The following YTHDC2 variants were observed in gnomAD, a reference collection of about 807,000 sequenced individuals.
The protein encoded by YTHDC2 is 3'-5' RNA helicase YTHDC2.
A neutral mutation model predicts 174.9 loss-of-function variants in YTHDC2; 45 were observed. That is an observed-to-expected ratio of 0.26 (90% confidence interval 0.20 to 0.33). YTHDC2 has a LOEUF of 0.33. Among genes scored for constraint, YTHDC2 ranks in the 10% least tolerant of loss-of-function variants. The pLI is 1.00. For synonymous variants in YTHDC2, 657 were observed against 574.5 expected (o/e 1.14, Z -2.05); for missense variants, 1,650 against 1,723.7 (o/e 0.96, Z 0.76).
rs964513040 is a variant in YTHDC2 at position 113,593,753 on chromosome 5, A to C, written c.*279A>C. 1 of 157,970 alleles carries C rather than the reference A, an allele frequency of 6.3e-6. No homozygotes were observed. The highest frequency in any genetic ancestry group is 2.4e-5 in the African/African-American group (1 of 41,614). The allele number at this position is 157,970 out of a possible 1,614,324, so 9.8% of individuals were successfully genotyped here. A position where few individuals can be genotyped will look rare whatever the true frequency, so the allele number is the denominator to read the frequency against. Reference sequence around the variant, plus strand: ...ATTTTAAACAAACAATTTGAAGTTAAACATTTCATTTTTAAAAACACTGAA... The same window carrying C: ...ATTTTAAACAAACAATTTGAAGTTACACATTTCATTTTTAAAAACACTGAA... On this transcript the variant is annotated 3_prime_UTR_variant, in exon 30 of 30. Coordinates refer to ENST00000161863, the MANE Select transcript of YTHDC2 (RefSeq NM_022828.5).
intron 23 of YTHDC2, among the ~76,000 whole-genome samples, chr5:113,576,833 T>A (rs1246539691): frequency 7.8e-6 from 1 of 128,434 alleles, no homozygotes; most frequent in Non-Finnish European, 1.5e-5. Context: ...TTCATTTTGG[T>A]GTTAGTATTT....
At chr5:113,590,660 G>A (rs912499169) in intron 26 of YTHDC2, among the ~76,000 whole-genome samples, 1 of 152,160 alleles carries the variant, frequency 6.6e-6, no homozygotes, top group East Asian at 1.9e-4. Context: ...ACAACTTAAT[G>A]AGACCACTGG....
chr5:113,517,965 T>C (rs1248938536), intron 2 of YTHDC2, among the ~76,000 whole-genome samples: 1 of 151,992 alleles, frequency 6.6e-6, no homozygotes, highest in Non-Finnish European at 1.5e-5. Flanking sequence ...CTCGGCTCAC[T>C]GCAAGCTCCA....
chr5:113,526,352 A>G (rs1346988081), intron 3 of YTHDC2, among the ~76,000 whole-genome samples: 2 of 86,938 alleles, frequency 2.3e-5, no homozygotes, highest in Admixed American at 2.1e-4. Context: ...TTTCTAATTG[A>G]TATTGAAATT....
chr5:113,580,596 A>G (rs1402033596), intron 24 of YTHDC2, among the ~76,000 whole-genome samples: 1 of 152,194 alleles, frequency 6.6e-6, no homozygotes, highest in East Asian at 1.9e-4. Flanking sequence ...CATCACTTCA[A>G]CCTACTACAC....
At chr5:113,560,713 A>G (rs1301868093) in intron 17 of YTHDC2, among the ~76,000 whole-genome samples, 2 of 152,214 alleles carry the variant, frequency 1.3e-5, no homozygotes, top group African/African-American at 2.4e-5. Flanking sequence ...GACTCTAATC[A>G]CTGGGCCTGA....
chr5:113,585,982 C>A (rs1778661074), intron 26 of YTHDC2, among the ~76,000 whole-genome samples: 1 of 151,872 alleles, frequency 6.6e-6, no homozygotes, highest in Non-Finnish European at 1.5e-5. Flanking sequence ...CAAGTAAAAT[C>A]TTTGTGTCTA....
rs373847760 is a variant in YTHDC2, at chr5:113,563,956, G to T, written c.2540G>T (p.Cys847Phe). The T allele has an allele frequency of 1.2e-6, 2 of 1,614,028 alleles. No homozygotes were observed. The highest frequency in any genetic ancestry group is 1.7e-6 in the Non-Finnish European group (2 of 1,180,030). ...CCACATCTTGGTAAAATGGTCTTGT[G>T]TGCTGTTGTTTTAAAGTGTCTGGAC... ...VEPHLGKMVL[C>F]AVVLKCLDPI... The change falls in exon 20 of 30, where the codon TGT (cysteine) becomes TTT (phenylalanine). Residue 847 changes from cysteine to phenylalanine, a missense_variant. Cys to Phe is a radical substitution (Grantham distance 205). This residue lies in a region of YTHDC2 where 913 missense variants were observed against 940.4 expected (regional missense o/e 0.97). Coordinates refer to ENST00000161863, the MANE Select transcript of YTHDC2 (RefSeq NM_022828.5).
intron 24 of YTHDC2, 127 bp from the exon 25 acceptor site, chr5:113,581,290 G>A: frequency 1.2e-6 from 1 of 809,800 alleles, no homozygotes; most frequent in Non-Finnish European, 1.8e-6. Flanking sequence ...AATGAAATTA[G>A]TAGTAAATTA....
chr5:113,561,572 G>A (rs1580588279), intron 18 of YTHDC2, among the ~76,000 whole-genome samples: 4 of 151,374 alleles, frequency 2.6e-5, no homozygotes, highest in South Asian at 4.2e-4. Context: ...GGGTTCAAGC[G>A]ATTCTCTGGC....
At chr5:113,517,880 CTTTAT>C (rs762158682) in intron 2 of YTHDC2, among the ~76,000 whole-genome samples, 4 of 151,986 alleles carry the variant, frequency 2.6e-5, no homozygotes, top group Non-Finnish European at 2.9e-5. Context: ...CACCCTTTGA[CTTTAT>C]TTTATTTTAT....
At chr5:113,583,766 GC>G (rs1778528475) in intron 25 of YTHDC2, 1 of 152,450 alleles carries the variant, frequency 6.6e-6, no homozygotes, top group African/African-American at 2.4e-5. Flanking sequence ...ACAGGCGTGA[GC>G]CACTGCACCC....
At chr5:113,556,607 T>C (rs1288459522) in intron 17 of YTHDC2, among the ~76,000 whole-genome samples, 1 of 152,202 alleles carries the variant, frequency 6.6e-6, no homozygotes, top group Non-Finnish European at 1.5e-5. Context: ...GTATTATTTT[T>C]TGAATCTCAG....
intron 4 of YTHDC2, among the ~76,000 whole-genome samples, chr5:113,531,121 CTT>C (rs2112573244): frequency 6.6e-6 from 1 of 152,210 alleles, no homozygotes; most frequent in African/African-American, 2.4e-5. Flanking sequence ...CAGAAGATCT[CTT>C]TGATTTTCTG....
chr5:113,531,354 A>G (rs938249165), intron 4 of YTHDC2, among the ~76,000 whole-genome samples: 4 of 152,156 alleles, frequency 2.6e-5, no homozygotes, highest in Non-Finnish European at 5.9e-5. Flanking sequence ...CTGCGGTCCC[A>G]TCAGCCAGCG....
chr5:113,588,306 G>A (rs1778805268), intron 26 of YTHDC2, among the ~76,000 whole-genome samples: 1 of 152,000 alleles, frequency 6.6e-6, no homozygotes, highest in African/African-American at 2.4e-5. Context: ...TTGTCTGTTA[G>A]TATGGTGAAT....
chr5:113,545,074 C>A (rs898445782), intron 10 of YTHDC2, among the ~76,000 whole-genome samples: 1 of 151,844 alleles, frequency 6.6e-6, no homozygotes, highest in African/African-American at 2.4e-5. Context: ...AGATTTGGCC[C>A]GTTGTTTCTG....
chr5:113,514,427 G>A (rs1484730497), intron 1 of YTHDC2, among the ~76,000 whole-genome samples: 1 of 152,198 alleles, frequency 6.6e-6, no homozygotes, highest in Non-Finnish European at 1.5e-5. Context: ...ACCTAATTGT[G>A]GCACGTTTAA....
At position 113,548,621 on chromosome 5, in the gene YTHDC2, T is replaced by C. The variant is rs761489663; in HGVS notation, c.1576T>C (p.Leu526=). 4 of 1,613,388 alleles carry C rather than the reference T, an allele frequency of 2.5e-6. No homozygotes were observed. In the East Asian group the frequency reaches 6.7e-5, roughly 27 times the overall value. ...GRGFASQVEQ[L]ISMGANVHSK... is the part of the protein sequence containing the mutation. ...TGGCTTTGCAAGTCAAGTAGAACAGTTAATCAGTATGGGAGCCAATGTCCA... is the reference window on the plus strand; with the variant it reads ...TGGCTTTGCAAGTCAAGTAGAACAGCTAATCAGTATGGGAGCCAATGTCCA... The change falls in exon 11 of 30, where the codon TTA becomes CTA. Residue 526 remains leucine (L), a synonymous_variant. Transcript: ENST00000161863.
Sources: gnomAD v4.1 joint callset for allele counts (sites outside exome capture counted in the v4.1 genomes callset) on GRCh38, gnomAD v4.1.1 for gene constraint, gnomAD v4.1.1 regional missense constraint, MANE v1.5 for transcripts, NCBI Gene and HGNC (gene_info 2026-07-23, HGNC 2026-07-21) for gene names.